KCNJ18: variants seen among roughly 807,000 people sequenced by gnomAD.
KCNJ18 encodes potassium inwardly rectifying channel subfamily J member 18.
In KCNJ18, 16 loss-of-function variants were observed where a neutral mutation model predicts 17.3. The observed-to-expected ratio is 0.92, with a 90% CI of 0.62 to 1.40. KCNJ18 has a LOEUF of 1.40. KCNJ18 is among the 40% of genes most tolerant of loss of function. The probability of loss-of-function intolerance (pLI) is 0.00; values close to 1 mark genes in which losing one functional copy is unlikely to be tolerated. For missense variants in KCNJ18, 462 were observed against 626.8 expected, an observed-to-expected ratio of 0.74 and a Z score of 2.81; for synonymous variants, 185 against 262.6, an observed-to-expected ratio of 0.70 and a Z score of 2.86.
At chr17:21,695,214 TC>T (rs1905724184) in intron 1 of KCNJ18, among the ~76,000 whole-genome samples, 2 of 151,750 alleles carry the variant, frequency 1.3e-5, no homozygotes, top group African/African-American at 4.9e-5. Flanking sequence ...CATCCATCCA[TC>T]CATCCATCTT....
chr17:21,704,003 C>T lies in KCNJ18; in HGVS notation c.1217C>T (p.Pro406Leu). 2 of 1,596,816 alleles carry T rather than the reference C, an allele frequency of 1.3e-6. No homozygotes were observed. The highest frequency in any genetic ancestry group is 1.7e-6 in the Non-Finnish European group (2 of 1,172,290). ...QDGRSRDGLS[P>L]QARHDFDRLQ... ...GGCCGAAGCCGGGATGGCCTCAGCC[C>T]CCAGGCCAGGCATGACTTTGACAGA... The change falls in exon 3 of 3, where the codon CCC (proline) becomes CTC (leucine). Residue 406 changes from proline (P) to leucine (L), a missense_variant. Coordinates refer to ENST00000567955, the MANE Select transcript of KCNJ18 (RefSeq NM_001194958.2).
rs1906003859 is a variant in KCNJ18, at chr17:21,702,741, G to T, written c.-46G>T. On this transcript the variant is annotated 5_prime_UTR_variant, in exon 3 of 3. Coordinates refer to ENST00000567955, the MANE Select transcript of KCNJ18 (RefSeq NM_001194958.2). The stretch of plus-strand genomic sequence containing the variant: ...TCCTCTCTGTTCCAGGAGCCGCCCT[G>T]CCTGGAGCTAGCCTGGGGGTGAGCC... 1 of 1,540,254 alleles carries T rather than the reference G, an allele frequency of 6.5e-7. No homozygotes were observed. Among genetic ancestry groups the T allele is most frequent in the Non-Finnish European group, 8.7e-7 (1 of 1,148,540 alleles).
chr17:21,693,822 C>T (rs1311328166), intron 1 of KCNJ18, among the ~76,000 whole-genome samples: 1 of 152,194 alleles, frequency 6.6e-6, no homozygotes, highest in African/African-American at 2.4e-5. Flanking sequence ...CATCCATCCA[C>T]CCATCCATCT....
At chr17:21,702,100 G>A (rs1436211551) in intron 2 of KCNJ18, among the ~76,000 whole-genome samples, 66 of 152,252 alleles carry the variant, frequency 4.3e-4, no homozygotes, top group Non-Finnish European at 7.6e-4. Context: ...GTCTTCCTGG[G>A]GCACAAGGAG....
intron 2 of KCNJ18, among the ~76,000 whole-genome samples, chr17:21,696,319 A>C (rs1905758115): frequency 7.6e-6 from 1 of 130,734 alleles, no homozygotes; most frequent in East Asian, 2.1e-4. Context: ...CCATTCCCCC[A>C]CCCATTCATC....
chr17:21,693,320 C>T (rs1295018493), intron 1 of KCNJ18, among the ~76,000 whole-genome samples: 1 of 152,290 alleles, frequency 6.6e-6, no homozygotes, highest in African/African-American at 2.4e-5. Flanking sequence ...ATTTTGCCTT[C>T]CTCCTAGATA....
Position 21,692,673 on chromosome 17 carries a change from C to G in KCNJ18, c.-220C>G, listed in dbSNP as rs1406703486. The G allele has an allele frequency of 2.6e-5, 4 of 152,696 alleles. No homozygotes were observed. The highest frequency in any genetic ancestry group is 2.6e-4 in the Admixed American group (4 of 15,294). The allele number at this position is 152,696 out of a possible 1,614,324, so 9.5% of individuals were successfully genotyped here. On this transcript the variant is annotated 5_prime_UTR_variant, in exon 1 of 3. Coordinates refer to ENST00000567955, the MANE Select transcript of KCNJ18 (RefSeq NM_001194958.2). ...CTGCATCGTCTCTGTGGGACAGATACTGAAGCCAGGGCTTGGCTTACCCTC... is the reference window on the plus strand; with the variant it reads ...CTGCATCGTCTCTGTGGGACAGATAGTGAAGCCAGGGCTTGGCTTACCCTC...
Position 21,703,099 on chromosome 17 carries a change from A to G in KCNJ18, c.313A>G (p.Ile105Val). The change falls in exon 3 of 3, where the codon ATC becomes GTC. Residue 105 changes from isoleucine (I) to valine (V), a missense_variant. This residue lies in a region of KCNJ18 where 237 missense variants were observed against 259.4 expected (regional missense o/e 0.91). Transcript: ENST00000567955. ...WLLFGVIFWV[I>V]AVAHGDLEPA... ...GCTGTTCGGCGTCATCTTCTGGGTC[A>G]TCGCGGTGGCACACGGTGACCTGGA... 1 of 1,612,782 alleles carries G rather than the reference A, an allele frequency of 6.2e-7. No homozygotes were observed. The highest frequency in any genetic ancestry group is 8.5e-7 in the Non-Finnish European group (1 of 1,179,846).
At position 21,704,122 on chromosome 17, in the gene KCNJ18, G is replaced by A. The variant is rs1906083514; in HGVS notation, c.*34G>A. 4.0e-6 allele frequency: 6 copies of A among 1,496,244 alleles called. No homozygotes were observed. The South Asian group carries it at 8.2e-5, about 20-fold the overall frequency. 92.7% of individuals were successfully genotyped at this position (1,496,244 alleles called of 1,614,324 possible). A position where few individuals can be genotyped will look rare whatever the true frequency, so the allele number is the denominator to read the frequency against. ...TGGCCGACATGCAGCATCCACCCCT[G>A]GCCGGGGAGAGGCCCCGCGGTCGCT... On this transcript the variant is annotated 3_prime_UTR_variant, in exon 3 of 3. Coordinates refer to ENST00000567955, the MANE Select transcript of KCNJ18 (RefSeq NM_001194958.2).
In KCNJ18 at chr17:21,704,031, C is replaced by T. The variant is rs1333057174; in HGVS notation, c.1245C>T (p.Leu415=). ...AGGCCAGGCATGACTTTGACAGACT[C>T]CAGGCTGGCGGCGGGGTCCTGGAGC... ...SPQARHDFDR[L]QAGGGVLEQR... Residue 415 remains leucine (L), a synonymous_variant, in exon 3 of 3, where the codon CTC becomes CTT. Coordinates refer to ENST00000567955, the MANE Select transcript of KCNJ18 (RefSeq NM_001194958.2). 6.3e-7 allele frequency: 1 copy of T among 1,579,754 alleles called. No individual in the cohort carries two copies. Among genetic ancestry groups the T allele is most frequent in the Non-Finnish European group, 8.6e-7 (1 of 1,163,670 alleles).
intron 2 of KCNJ18, among the ~76,000 whole-genome samples, chr17:21,696,436 C>A (rs1197018576): frequency 3.3e-5 from 5 of 152,216 alleles, no homozygotes; most frequent in East Asian, 1.9e-4. Flanking sequence ...ATCCACCCAT[C>A]TGCCTGACCA....
In KCNJ18 at chr17:21,700,605, G is replaced by A. The variant is rs1905919876; in HGVS notation, c.-56-2126G>A. On this transcript the variant is annotated intron_variant, in intron 2 of 2. Coordinates refer to ENST00000567955, the MANE Select transcript of KCNJ18 (RefSeq NM_001194958.2). ...TCAGGTGTTTGGAGCAGAGCTCAGA[G>A]GCCGCGCCTGCTCCGAGGCCCAGAC... Among the ~76,000 whole-genome samples the A allele has an allele frequency of 1.8e-5, 2 of 111,724 alleles. 1 individual carries two copies. 73.3% of individuals were successfully genotyped at this position (111,724 alleles called of 152,430 possible). A position where few individuals can be genotyped will look rare whatever the true frequency, so the allele number is the denominator to read the frequency against.
At position 21,704,127 on chromosome 17, in the gene KCNJ18, G is replaced by A; in HGVS notation, c.*39G>A. The A allele has an allele frequency of 6.7e-7, 1 of 1,491,458 alleles. No individual in the cohort carries two copies. The highest frequency in any genetic ancestry group is 1.4e-5 in the South Asian group (1 of 72,592). The allele number at this position is 1,491,458 out of a possible 1,614,324, so 92.4% of individuals were successfully genotyped here. A position where few individuals can be genotyped will look rare whatever the true frequency, so the allele number is the denominator to read the frequency against. ...GACATGCAGCATCCACCCCTGGCCG[G>A]GGAGAGGCCCCGCGGTCGCTCAGGG... On this transcript the variant is annotated 3_prime_UTR_variant, in exon 3 of 3. Transcript: ENST00000567955.
chr17:21,697,310 T>C (rs1905789419), intron 2 of KCNJ18, among the ~76,000 whole-genome samples: 1 of 152,308 alleles, frequency 6.6e-6, no homozygotes, highest in African/African-American at 2.4e-5. Flanking sequence ...GGGCCTAGCC[T>C]GCATTTGGCA....
intron 1 of KCNJ18, 68 bp downstream of exon 1, chr17:21,692,782 C>T (rs1336085940): frequency 3.3e-5 from 5 of 152,672 alleles, no homozygotes; most frequent in Admixed American, 2.0e-4. Context: ...GGCTGCCAGG[C>T]CTCTCCAGGG....
chr17:21,700,593 G>A (rs1905919568), intron 2 of KCNJ18, among the ~76,000 whole-genome samples: 1 of 111,246 alleles, frequency 9.0e-6, no homozygotes, highest in African/African-American at 3.2e-5. Context: ...GGTGTTTGGA[G>A]CAGAGCTCAG....
intron 2 of KCNJ18, among the ~76,000 whole-genome samples, chr17:21,699,252 CCCT>C (rs1905859712): frequency 1.3e-5 from 2 of 152,176 alleles, no homozygotes; most frequent in African/African-American, 4.8e-5. Flanking sequence ...GCCTGTGTGT[CCCT>C]GGTGGAGGAT....
chr17:21,704,081 A>G lies in KCNJ18; in HGVS notation c.1295A>G (p.Glu432Gly), dbSNP rs1906081211. The G allele has an allele frequency of 6.4e-7, 1 of 1,556,512 alleles. No individual in the cohort carries two copies. The change falls in exon 3 of 3, where the codon GAG becomes GGG. Residue 432 changes from glutamate (E) to glycine (G), a missense_variant. This residue lies in a region of KCNJ18 where 123 missense variants were observed against 117.5 expected (regional missense o/e 1.05). Coordinates refer to ENST00000567955, the MANE Select transcript of KCNJ18 (RefSeq NM_001194958.2). ...CAGCGGCCCTACAGACGGGGGTCAG[A>G]GATCTGAGCCAACCTTGGCCGACAT... ...LEQRPYRRGS[E>G]I
Position 21,702,849 on chromosome 17 carries a change from C to G in KCNJ18, c.63C>G (p.His21Gln). Residue 21 changes from histidine (H) to glutamine (Q), a missense_variant, in exon 3 of 3, where the codon CAC becomes CAG. Physicochemically the swap from His to Gln is conservative, Grantham distance 24. This residue lies in a region of KCNJ18 where 237 missense variants were observed against 259.4 expected (regional missense o/e 0.91). Transcript: ENST00000567955. ...TGTCATTGGAGGAGGACGGGCTGCA[C>G]CTGGTCACCATGTCGGGCGCCAACG... ...SIVSLEEDGL[H>Q]LVTMSGANGF... is the part of the protein sequence containing the mutation. 1 of 1,600,158 alleles carries G rather than the reference C, an allele frequency of 6.2e-7. No individual in the cohort carries two copies. The highest frequency in any genetic ancestry group is 1.1e-5 in the South Asian group (1 of 90,116).
Sources: gnomAD v4.1 joint callset for allele counts (sites outside exome capture counted in the v4.1 genomes callset) on GRCh38, gnomAD v4.1.1 for gene constraint, gnomAD v4.1.1 regional missense constraint, MANE v1.5 for transcripts, NCBI Gene and HGNC (gene_info 2026-07-23, HGNC 2026-07-21) for gene names.